MID1: variants seen among roughly 807,000 people sequenced by gnomAD.
The protein encoded by MID1 is E3 ubiquitin-protein ligase Midline-1.
Under a neutral mutation model 40.4 loss-of-function variants are expected in MID1, and 7 were observed. That is an observed-to-expected ratio of 0.17 (90% CI 0.10 to 0.33). MID1 has a LOEUF of 0.33. MID1 is among the 10% of genes least tolerant of loss of function. The pLI is 1.00. For synonymous variants in MID1, 229 were observed against 221.2 expected, an observed-to-expected ratio of 1.04 and a Z score of -0.31; for missense variants, 367 against 558.5, an observed-to-expected ratio of 0.66 and a Z score of 3.46.
chrX:10,712,243 G>A (rs2043273303), intron 1 of MID1, among the ~76,000 whole-genome samples: 1 of 110,892 alleles, frequency 9.0e-6, no homozygotes, highest in Admixed American at 9.6e-5. Flanking sequence ...GGTCACAACT[G>A]GCAGCGGGGA....
At chrX:10,831,446 C>A in intron 1 of MID1, among the ~76,000 whole-genome samples, 1 of 111,349 alleles carries the variant, frequency 9.0e-6, no homozygotes, top group Non-Finnish European at 1.9e-5. Flanking sequence ...TGCAGATCTA[C>A]GGAGGCTGCC....
chrX:10,514,014 AG>A (rs762969419), intron 3 of MID1, among the ~76,000 whole-genome samples: 2 of 111,997 alleles, frequency 1.8e-5, no homozygotes, highest in African/African-American at 6.5e-5. Flanking sequence ...ATCAGAAAAA[AG>A]CACACTTTCT....
At chrX:10,640,168 T>C (rs1485804330) in intron 1 of MID1, among the ~76,000 whole-genome samples, 1 of 111,775 alleles carries the variant, frequency 8.9e-6, no homozygotes, top group Non-Finnish European at 1.9e-5. Flanking sequence ...CATAACAATA[T>C]TAACTTTAAA....
intron 2 of MID1, among the ~76,000 whole-genome samples, chrX:10,566,468 A>C (rs1258666444): frequency 1.9e-5 from 2 of 107,054 alleles, no homozygotes; most frequent in African/African-American, 3.5e-5. Flanking sequence ...AGTGTTCCCC[A>C]AATGCCCAAA....
upstream of MID1, among the ~76,000 whole-genome samples, chrX:10,622,757 T>C (rs1228963853): frequency 9.0e-6 from 1 of 111,607 alleles, no homozygotes; most frequent in Non-Finnish European, 1.9e-5. Flanking sequence ...TATTTTGTTA[T>C]AGCAGCCTGA....
intron 1 of MID1, among the ~76,000 whole-genome samples, chrX:10,732,315 A>G (rs1020474049): frequency 1.8e-5 from 2 of 112,307 alleles, no homozygotes; most frequent in Non-Finnish European, 3.8e-5. Flanking sequence ...CATCTACTAA[A>G]TAATTACACT....
At chrX:10,550,240 G>A (rs942560611) in intron 2 of MID1, among the ~76,000 whole-genome samples, 2 of 112,533 alleles carry the variant, frequency 1.8e-5, no homozygotes, top group Non-Finnish European at 3.7e-5. Flanking sequence ...AGGCTCTCCT[G>A]TCTCTGACAC....
In MID1 at chrX:10,817,518, T is replaced by C. The variant is rs866197618; in HGVS notation, c.-187+16036A>G. On this transcript the variant is annotated intron_variant, in intron 1 of 10. Transcript: ENST00000380785. ...TTTTCTTTCTTTTCTTTTTTTCTCT[T>C]TCTTTCTTTCTTTCTTTCTTTCTTT... Among the ~76,000 whole-genome samples, 3 of 36,778 alleles carry C rather than the reference T, an allele frequency of 8.2e-5. No homozygotes were observed. The Admixed American group carries it at 9.5e-4, about 12-fold the overall frequency. 31.9% of individuals were successfully genotyped at this position (36,778 alleles called of 115,157 possible).
At chrX:10,514,506 G>C (rs1932307510) in intron 3 of MID1, among the ~76,000 whole-genome samples, 1 of 112,169 alleles carries the variant, frequency 8.9e-6, no homozygotes. Context: ...ATTCAAGTAT[G>C]TGTTAGATAC....
intron 2 of MID1, among the ~76,000 whole-genome samples, chrX:10,540,049 A>C (rs1279713568): frequency 1.8e-5 from 2 of 111,911 alleles, no homozygotes; most frequent in East Asian, 5.7e-4. Context: ...AAAAATATAA[A>C]AGTTAGCTGG....
In MID1 at chrX:10,538,298, T is replaced by C. The variant is rs1032593493; in HGVS notation, c.661-15111A>G. 2.7e-5 allele frequency among the ~76,000 whole-genome samples: 3 copies of C among 111,756 alleles called. No individual in the cohort carries two copies. In the Admixed American group the frequency reaches 2.9e-4, roughly 11 times the overall value. ...TCGATCTTTACAAAAGATATTACTA[T>C]GCTCTTCATGTCTTCTATCTAATCA... On this transcript the variant is annotated intron_variant, in intron 2 of 9. Coordinates refer to ENST00000317552, the MANE Select transcript of MID1 (RefSeq NM_000381.4).
intron 1 of MID1, among the ~76,000 whole-genome samples, chrX:10,731,458 A>C (rs2043448204): frequency 8.9e-6 from 1 of 112,340 alleles, no homozygotes; most frequent in Admixed American, 9.5e-5. Flanking sequence ...CAAGTAAGGT[A>C]GTCAATGAAT....
chrX:10,817,176 A>G (rs2044140933), intron 1 of MID1, among the ~76,000 whole-genome samples: 1 of 112,409 alleles, frequency 8.9e-6, no homozygotes, highest in Non-Finnish European at 1.9e-5. Flanking sequence ...AAAACACAGT[A>G]TCTGTGCTCA....
In MID1 at chrX:10,645,159, C is replaced by G. The variant is rs751571439; in HGVS notation, c.-186-24740G>C. On this transcript the variant is annotated intron_variant, in intron 1 of 10. Coordinates refer to the MID1 transcript ENST00000380785. ...CACCAGCATGCTTTGTGTCCTGGGGCAACCTATGTAACTTCTCAGGGTCTC... is the reference window on the plus strand; with the variant it reads ...CACCAGCATGCTTTGTGTCCTGGGGGAACCTATGTAACTTCTCAGGGTCTC... 4.5e-5 allele frequency among the ~76,000 whole-genome samples: 5 copies of G among 111,560 alleles called. No individual in the cohort carries two copies. The East Asian group carries it at 1.4e-3, about 31-fold the overall frequency.
At chrX:10,782,657 T>C (rs2043855049) in intron 1 of MID1, among the ~76,000 whole-genome samples, 1 of 112,024 alleles carries the variant, frequency 8.9e-6, no homozygotes, top group African/African-American at 3.2e-5. Context: ...CTGATTATAT[T>C]ATTGAGATGT....
intron 1 of MID1, among the ~76,000 whole-genome samples, chrX:10,657,990 A>G (rs2042886870): frequency 8.9e-6 from 1 of 111,759 alleles, no homozygotes; most frequent in Non-Finnish European, 1.9e-5. Flanking sequence ...TTGCTTGTAC[A>G]TAGAAATTAA....
intron 4 of MID1, among the ~76,000 whole-genome samples, chrX:10,493,201 A>G: frequency 8.9e-6 from 1 of 112,081 alleles, no homozygotes; most frequent in Non-Finnish European, 1.9e-5. Flanking sequence ...TGTAGTCACA[A>G]GGGTCGTTAT....
At chrX:10,600,071 A>C (rs1016559866) in intron 1 of MID1, among the ~76,000 whole-genome samples, 1 of 112,229 alleles carries the variant, frequency 8.9e-6, no homozygotes, top group African/African-American at 3.2e-5. Flanking sequence ...GCCCATGCTT[A>C]ATTCATCCTG....
chrX:10,733,656 C>T (rs112098509), intron 1 of MID1, among the ~76,000 whole-genome samples: 4,233 of 111,191 alleles, frequency 0.038, 175 homozygotes, highest in African/African-American at 0.13. Context: ...TCAATAAAAA[C>T]GAGCAAACAT....
Sources: allele counts gnomAD v4.1 joint callset (sites outside exome capture counted in the v4.1 genomes callset), GRCh38; gene constraint gnomAD v4.1.1; transcripts MANE v1.5; gene names NCBI Gene and HGNC (gene_info 2026-07-23, HGNC 2026-07-21).